The following AGBL1 variants were observed in gnomAD, a reference collection of about 807,000 sequenced individuals.
AGBL1 encodes cytosolic carboxypeptidase 4.
AGBL1 carries 130 observed loss-of-function variants against 118.9 expected under a neutral mutation model. The observed-to-expected ratio is 1.09, with a 90% CI of 0.95 to 1.26. AGBL1 has a LOEUF of 1.26. Among genes scored for constraint, AGBL1 ranks in the 50% most tolerant of loss-of-function variants. The pLI, the probability that AGBL1 is intolerant of heterozygous loss-of-function variation, is 0.00. For missense variants in AGBL1, 1,584 were observed against 1,298.1 expected (o/e 1.22, Z -3.38); for synonymous variants, 555 against 478.9 (o/e 1.16, Z -2.08).
At chr15:86,336,125 C>A (rs887377148) in intron 17 of AGBL1, among the ~76,000 whole-genome samples, 1 of 152,194 alleles carries the variant, frequency 6.6e-6, no homozygotes, top group African/African-American at 2.4e-5. Flanking sequence ...AACTCAGCCT[C>A]CACCTGTGAT....
chr15:86,783,244 A>G (rs983748773), intron 22 of AGBL1, among the ~76,000 whole-genome samples: 2 of 152,128 alleles, frequency 1.3e-5, no homozygotes, highest in African/African-American at 4.8e-5. Flanking sequence ...TTCTACCACG[A>G]GTCCTAAGAA....
intron 21 of AGBL1, among the ~76,000 whole-genome samples, chr15:86,576,133 A>G (rs2084088478): frequency 6.6e-6 from 1 of 152,182 alleles, no homozygotes. Flanking sequence ...TCATTTATTG[A>G]CTGCACTTTG....
chr15:86,419,219 C>T lies in AGBL1; in HGVS notation c.2555+21673C>T, dbSNP rs1051473207. On this transcript the variant is annotated intron_variant, in intron 18 of 22. Coordinates refer to ENST00000614907, the MANE Select transcript of AGBL1 (RefSeq NM_001386094.1). Reference sequence around the variant, plus strand: ...GGTCTATAGCTCCTACCGAGATCAACACAGAAGGCAAGTGATTTCTGCATT... The same window carrying T: ...GGTCTATAGCTCCTACCGAGATCAATACAGAAGGCAAGTGATTTCTGCATT... 1.4e-4 allele frequency among the ~76,000 whole-genome samples: 22 copies of T among 151,972 alleles called. 1 individual carries two copies. Among genetic ancestry groups the T allele is most frequent in the African/African-American group, 5.1e-4 (21 of 41,382 alleles).
chr15:86,982,666 C>T (rs994653579), intron 23 of AGBL1, among the ~76,000 whole-genome samples: 3 of 152,188 alleles, frequency 2.0e-5, no homozygotes, highest in African/African-American at 7.2e-5. Flanking sequence ...TGATGATTCA[C>T]TTCCACTTAG....
At chr15:86,275,058 C>A (rs1369701364) in intron 15 of AGBL1, among the ~76,000 whole-genome samples, 1 of 152,016 alleles carries the variant, frequency 6.6e-6, no homozygotes, top group Non-Finnish European at 1.5e-5. Context: ...AAGCAAGGGC[C>A]CTTTTAGTTT....
At chr15:86,082,363 C>A (rs1300615996) in intron 1 of AGBL1, among the ~76,000 whole-genome samples, 3 of 152,194 alleles carry the variant, frequency 2.0e-5, no homozygotes, top group Non-Finnish European at 4.4e-5. Flanking sequence ...TTCTTGTGCA[C>A]AAGGTGACAG....
At chr15:86,161,381 G>T (rs1371660999) in intron 5 of AGBL1, among the ~76,000 whole-genome samples, 1 of 152,120 alleles carries the variant, frequency 6.6e-6, no homozygotes, top group East Asian at 1.9e-4. Flanking sequence ...TGCAAGGCGG[G>T]TGCTATTATT....
chr15:86,740,298 T>A (rs1209174290), intron 22 of AGBL1, among the ~76,000 whole-genome samples: 1 of 152,252 alleles, frequency 6.6e-6, no homozygotes, highest in African/African-American at 2.4e-5. Flanking sequence ...TTTCATTAAC[T>A]AGGTAACCAT....
At chr15:86,765,559 A>C (rs1253269805) in intron 22 of AGBL1, among the ~76,000 whole-genome samples, 6 of 151,986 alleles carry the variant, frequency 3.9e-5, no homozygotes, top group African/African-American at 1.4e-4. Flanking sequence ...TGGGGAACAC[A>C]TTCCACATGG....
At chr15:86,800,102 G>A (rs62031439) in intron 22 of AGBL1, among the ~76,000 whole-genome samples, 1 of 151,746 alleles carries the variant, frequency 6.6e-6, no homozygotes, top group Admixed American at 6.6e-5. Context: ...ATAAGTAATG[G>A]CCACTTTCCC....
chr15:86,894,829 C>G lies in AGBL1; in HGVS notation c.3159-12258C>G, dbSNP rs563642060. 9.5e-4 allele frequency among the ~76,000 whole-genome samples: 144 copies of G among 152,266 alleles called. 1 individual carries two copies. Among genetic ancestry groups the G allele is most frequent in the Admixed American group, 8.0e-3 (123 of 15,282 alleles). On this transcript the variant is annotated intron_variant, in intron 22 of 22. Transcript: ENST00000614907. Reference sequence around the variant, plus strand: ...TAAAGAAGGGAGAGGCTGATGTTCTCAAGGAAGATTTCAAAGAGCTGAATG... The same window carrying G: ...TAAAGAAGGGAGAGGCTGATGTTCTGAAGGAAGATTTCAAAGAGCTGAATG...
chr15:86,306,156 G>T lies in AGBL1; in HGVS notation c.2374+10748G>T, dbSNP rs1375525122. 2.0e-5 allele frequency among the ~76,000 whole-genome samples: 3 copies of T among 152,012 alleles called. No homozygotes were observed. In the South Asian group the frequency reaches 6.2e-4, roughly 31 times the overall value. On this transcript the variant is annotated intron_variant, in intron 17 of 22. Transcript: ENST00000614907. ...ATCCCCTCAAACATTTATCCTTTGA[G>T]TTACAAATAATCTAGTTACATTATT...
At chr15:86,662,627 A>G (rs993721552) in intron 21 of AGBL1, among the ~76,000 whole-genome samples, 6 of 152,224 alleles carry the variant, frequency 3.9e-5, no homozygotes, top group African/African-American at 1.4e-4. Context: ...CACTATCCCA[A>G]TGCCACCTTC....
chr15:86,706,838 T>C (rs890252681), intron 22 of AGBL1, among the ~76,000 whole-genome samples: 1 of 152,130 alleles, frequency 6.6e-6, no homozygotes, highest in African/African-American at 2.4e-5. Context: ...TAATTTGTTG[T>C]GGAATATTAG....
chr15:86,226,585 T>A (rs7179949), intron 6 of AGBL1, among the ~76,000 whole-genome samples: 22,550 of 152,178 alleles, frequency 0.15, 2,204 homozygotes, highest in South Asian at 0.27. Context: ...GTCAGTTGTT[T>A]ACTCTATTGA....
At chr15:86,855,355 G>A (rs139286882) in intron 22 of AGBL1, among the ~76,000 whole-genome samples, 161 of 152,298 alleles carry the variant, frequency 1.1e-3, no homozygotes, top group African/African-American at 3.5e-3. Flanking sequence ...AGCACCATAT[G>A]TTTATGAATA....
chr15:86,424,044 A>G (rs2081831110), intron 18 of AGBL1, among the ~76,000 whole-genome samples: 1 of 152,202 alleles, frequency 6.6e-6, no homozygotes, highest in African/African-American at 2.4e-5. Flanking sequence ...TAAATTTCAT[A>G]TGGAACAAAA....
intron 23 of AGBL1, among the ~76,000 whole-genome samples, chr15:86,965,773 A>G (rs2081045427): frequency 6.6e-6 from 1 of 152,138 alleles, no homozygotes; most frequent in African/African-American, 2.4e-5. Context: ...CAAACACTGC[A>G]TGTTGTCACT....
At position 86,227,330 on chromosome 15, in the gene AGBL1, A is replaced by G. The variant is rs541916124; in HGVS notation, c.526+2379A>G. On this transcript the variant is annotated intron_variant, in intron 6 of 22. Transcript: ENST00000614907. ...TGTCTATACATCTTTGGTGTTAATT[A>G]TAACACAAGGTAGTTGGATGAGAGG... Among the ~76,000 whole-genome samples, 5 of 152,388 alleles carry G rather than the reference A, an allele frequency of 3.3e-5. No homozygotes were observed. In the South Asian group the frequency reaches 1.0e-3, roughly 32 times the overall value.
Sources: gnomAD v4.1 joint callset for allele counts (sites outside exome capture counted in the v4.1 genomes callset) on GRCh38, gnomAD v4.1.1 for gene constraint, MANE v1.5 for transcripts, NCBI Gene and HGNC (gene_info 2026-07-23, HGNC 2026-07-21) for gene names.